Variants in RTL4 observed in about 807,000 individuals in gnomAD.
The protein encoded by RTL4 is retrotransposon Gag-like protein 4.
In RTL4, 4 loss-of-function variants were observed where a neutral mutation model predicts 5.3. That is an observed-to-expected ratio of 0.75 (90% confidence interval 0.37 to 1.72). The LOEUF (loss-of-function observed/expected upper bound fraction) is 1.72, where lower values mean the gene tolerates loss of function less well. RTL4 is among the 40% of genes most tolerant of loss of function. RTL4 has a pLI of 0.04. For synonymous variants in RTL4, 98 were observed against 87.3 expected, an observed-to-expected ratio of 1.12 and a Z score of -0.68; for missense variants, 260 against 227.1, an observed-to-expected ratio of 1.14 and a Z score of -0.93.
At chrX:112,254,293 G>A in the RTL4 span, among the ~76,000 whole-genome samples, 2 of 109,715 alleles carry the variant, frequency 1.8e-5, no homozygotes, top group Non-Finnish European at 3.8e-5. Context: ...GGTGTCAGAC[G>A]GACCTGGCTT....
chrX:112,396,737 C>T, the RTL4 span, among the ~76,000 whole-genome samples: 1 of 110,326 alleles, frequency 9.1e-6, no homozygotes, highest in Non-Finnish European at 1.9e-5. Context: ...TTGTTTTTGT[C>T]TATTGTTCTA....
At chrX:112,132,759 A>G in the RTL4 span, among the ~76,000 whole-genome samples, 2,271 of 112,372 alleles carry the variant, frequency 0.02, 32 homozygotes, top group Non-Finnish European at 0.031. Context: ...TCATGTCTCT[A>G]TGAAAAGTTT....
At chrX:112,429,347 A>C in the RTL4 span, among the ~76,000 whole-genome samples, 290 of 110,473 alleles carry the variant, frequency 2.6e-3, no homozygotes, top group Non-Finnish European at 4.1e-3. Context: ...CCCTTTTATA[A>C]TTTTTAATGG....
chrX:112,381,210 C>T, the RTL4 span, among the ~76,000 whole-genome samples: 1 of 111,225 alleles, frequency 9.0e-6, no homozygotes, highest in African/African-American at 3.3e-5. Flanking sequence ...TGGCAGTCAC[C>T]CTCAGTGAAC....
the RTL4 span, among the ~76,000 whole-genome samples, chrX:112,380,593 C>G: frequency 8.9e-6 from 1 of 112,220 alleles, no homozygotes; most frequent in Non-Finnish European, 1.9e-5. Context: ...TAAAATCACT[C>G]AAAATATTTC....
At chrX:112,418,694 C>T in the RTL4 span, among the ~76,000 whole-genome samples, 1 of 110,396 alleles carries the variant, frequency 9.1e-6, no homozygotes, top group Non-Finnish European at 1.9e-5. Context: ...GGCTACATAT[C>T]CTCAACCAGA....
At chrX:112,261,992 G>A in the RTL4 span, among the ~76,000 whole-genome samples, 2 of 111,687 alleles carry the variant, frequency 1.8e-5, no homozygotes, top group African/African-American at 6.5e-5. Flanking sequence ...CTAGCCATAG[G>A]TAGAAAGCTG....
chrX:112,167,640 A>G, the RTL4 span, among the ~76,000 whole-genome samples: 1 of 105,583 alleles, frequency 9.5e-6, no homozygotes, highest in East Asian at 2.9e-4. Flanking sequence ...TACTATCTCT[A>G]TTTTATAGGT....
At chrX:112,212,249 C>T in the RTL4 span, among the ~76,000 whole-genome samples, 3 of 110,979 alleles carry the variant, frequency 2.7e-5, no homozygotes, top group African/African-American at 9.8e-5. Flanking sequence ...TGGTGGCGGG[C>T]GCCTGTAGTC....
the RTL4 span, among the ~76,000 whole-genome samples, chrX:112,119,816 T>C: frequency 1.8e-5 from 2 of 111,645 alleles, no homozygotes; most frequent in African/African-American, 6.5e-5. Flanking sequence ...AGAGCCCAGA[T>C]GATAATATTT....
the RTL4 span, among the ~76,000 whole-genome samples, chrX:112,208,124 TA>T: frequency 8.9e-6 from 1 of 111,923 alleles, no homozygotes; most frequent in African/African-American, 3.2e-5. Context: ...CCCTTGAGAC[TA>T]ATGGATGATG....
chrX:112,344,772 C>T, the RTL4 span, among the ~76,000 whole-genome samples: 1 of 111,665 alleles, frequency 9.0e-6, no homozygotes, highest in African/African-American at 3.3e-5. Context: ...TTAGTCTATT[C>T]TCATGCTGCT....
exon 1 of RTL4, chrX:112,456,116 AC>A (rs59057814): frequency 0.27 from 77,733 of 293,233 alleles, 8,317 homozygotes; most frequent in African/African-American, 0.49. Flanking sequence ...TTGGCTTAGG[AC>A]CTTTGGCTGA....
the RTL4 span, among the ~76,000 whole-genome samples, chrX:112,108,867 T>C: frequency 9.0e-6 from 1 of 111,474 alleles, no homozygotes; most frequent in Non-Finnish European, 1.9e-5. Flanking sequence ...GGCCTGGCCC[T>C]GAGACAGGTC....
the RTL4 span, among the ~76,000 whole-genome samples, chrX:112,230,226 T>C: frequency 8.9e-6 from 1 of 112,299 alleles, no homozygotes; most frequent in Non-Finnish European, 1.9e-5. Context: ...GCCTGAGCAA[T>C]GGTGGGCGCC....
the RTL4 span, among the ~76,000 whole-genome samples, chrX:112,363,588 T>C: frequency 9.0e-6 from 1 of 110,904 alleles, no homozygotes; most frequent in Admixed American, 9.6e-5. Flanking sequence ...ATTTGGAAAA[T>C]ATAAGCAAGA....
the RTL4 span, among the ~76,000 whole-genome samples, chrX:112,384,202 TAA>T: frequency 8.9e-6 from 1 of 112,244 alleles, no homozygotes; most frequent in Non-Finnish European, 1.9e-5. Context: ...TCCCAGAACT[TAA>T]AGTTTGATTA....
At chrX:112,226,925 AAAAAT>A in the RTL4 span, among the ~76,000 whole-genome samples, 4 of 99,983 alleles carry the variant, frequency 4.0e-5, no homozygotes, top group African/African-American at 1.2e-4. Context: ...CTCCGTCTCA[AAAAAT>A]AAAATAAAAT....
the RTL4 span, among the ~76,000 whole-genome samples, chrX:112,429,362 C>T: frequency 9.1e-6 from 1 of 109,317 alleles, no homozygotes; most frequent in Non-Finnish European, 1.9e-5. Flanking sequence ...TAATGGTTGC[C>T]TTAGTGTTTG....
Sources: gnomAD v4.1 joint callset for allele counts (sites outside exome capture counted in the v4.1 genomes callset) on GRCh38, gnomAD v4.1.1 for gene constraint, MANE v1.5 for transcripts, NCBI Gene and HGNC (gene_info 2026-07-23, HGNC 2026-07-21) for gene names.